Variants in FGF13 observed in about 807,000 individuals in gnomAD.
FGF13 encodes the protein fibroblast growth factor homologous factor 2.
Under a neutral mutation model 19.5 loss-of-function variants are expected in FGF13, and 2 were observed. That is an observed-to-expected ratio of 0.10 (90% CI 0.04 to 0.32). The LOEUF is 0.32. Among genes scored for constraint, FGF13 ranks in the 10% least tolerant of loss-of-function variants. The pLI is 1.00. For synonymous variants in FGF13, 72 were observed against 76.9 expected, an observed-to-expected ratio of 0.94 and a Z score of 0.33; for missense variants, 113 against 192.7, an observed-to-expected ratio of 0.59 and a Z score of 2.45.
At chrX:138,739,499 C>T, upstream of FGF13, 1 of 317,612 alleles carries the variant, frequency 3.1e-6, no homozygotes, top group East Asian at 4.9e-5. Context: ...CAGTATTGTT[C>T]TGGCAGTAAT....
intron 1 of FGF13, among the ~76,000 whole-genome samples, chrX:139,124,254 T>A (rs2083699072): frequency 1.8e-5 from 2 of 112,509 alleles, no homozygotes; most frequent in African/African-American, 6.5e-5. Context: ...TGTTCAGCCA[T>A]CCACATAACC....
chrX:139,024,293 T>G (rs769116633), intron 1 of FGF13, among the ~76,000 whole-genome samples: 34 of 111,500 alleles, frequency 3.0e-4, no homozygotes, highest in Non-Finnish European at 5.1e-4. Flanking sequence ...TAAGAAAAAC[T>G]GACATAAAGT....
intron 1 of FGF13, among the ~76,000 whole-genome samples, chrX:139,051,002 T>C (rs2092302021): frequency 8.9e-6 from 1 of 112,009 alleles, no homozygotes; most frequent in South Asian, 3.7e-4. Flanking sequence ...AACTGGGGAA[T>C]GGCATATATA....
chrX:138,955,220 G>C (rs1392088290), intron 1 of FGF13, among the ~76,000 whole-genome samples: 1 of 112,982 alleles, frequency 8.9e-6, no homozygotes, highest in Non-Finnish European at 1.9e-5. Context: ...TTGCCTAGTG[G>C]GGAAAATTAG....
chrX:139,032,719 A>C (rs970537954), intron 1 of FGF13, among the ~76,000 whole-genome samples: 4 of 110,294 alleles, frequency 3.6e-5, no homozygotes, highest in Non-Finnish European at 7.6e-5. Flanking sequence ...GCAAGGAAAA[A>C]CCAATGTATG....
chrX:138,831,711 T>C (rs1383289495), intron 3 of FGF13, among the ~76,000 whole-genome samples: 2 of 110,519 alleles, frequency 1.8e-5, no homozygotes, highest in African/African-American at 3.3e-5. Context: ...AAGGGAACAA[T>C]TGTAGGTTTT....
rs2089044623 is a variant in FGF13 at position 138,624,965 on chromosome X, G to A, written c.*7885C>T. On this transcript the variant is annotated 3_prime_UTR_variant, in exon 5 of 5. Coordinates refer to ENST00000315930, the MANE Select transcript of FGF13 (RefSeq NM_004114.5). ...GGGGTTAATATCCAAAATATATAAG[G>A]AACTCATACAAGTCAATAGCAAAAA... The A allele has an allele frequency of 1.8e-5, 2 of 111,381 alleles. No homozygotes were observed. The highest frequency in any genetic ancestry group is 6.5e-5 in the African/African-American group (2 of 30,639). The allele number at this position is 111,381 out of a possible 1,213,427, so 9.2% of individuals were successfully genotyped here. A position where few individuals can be genotyped will look rare whatever the true frequency, so the allele number is the denominator to read the frequency against.
At chrX:139,093,337 G>A (rs145867891) in intron 1 of FGF13, among the ~76,000 whole-genome samples, 2 of 111,898 alleles carry the variant, frequency 1.8e-5, no homozygotes, top group African/African-American at 6.5e-5. Context: ...TTACTACCCT[G>A]CCTGTGCATG....
chrX:138,750,124 A>G (rs2090386982), intron 3 of FGF13, among the ~76,000 whole-genome samples: 3 of 111,809 alleles, frequency 2.7e-5, no homozygotes, highest in South Asian at 7.5e-4. Context: ...ATGGACTGCA[A>G]TGGGGAGGGG....
chrX:139,004,196 A>C (rs933655345), intron 1 of FGF13, among the ~76,000 whole-genome samples: 1 of 112,885 alleles, frequency 8.9e-6, no homozygotes, highest in Non-Finnish European at 1.9e-5. Context: ...AGGCTCGGTG[A>C]GAAATCGAGC....
At chrX:138,749,270 A>G (rs1406356046) in intron 3 of FGF13, among the ~76,000 whole-genome samples, 1 of 108,607 alleles carries the variant, frequency 9.2e-6, no homozygotes, top group East Asian at 2.9e-4. Flanking sequence ...GAGAAATCAT[A>G]CAAAGCCTCT....
intron 1 of FGF13, among the ~76,000 whole-genome samples, chrX:139,165,206 G>A (rs1361234090): frequency 6.2e-5 from 7 of 112,225 alleles, no homozygotes; most frequent in African/African-American, 2.3e-4. Context: ...AGGATTTTAT[G>A]GAATGCAGAA....
At chrX:138,953,799 T>A (rs926882528) in intron 1 of FGF13, among the ~76,000 whole-genome samples, 4 of 110,270 alleles carry the variant, frequency 3.6e-5, no homozygotes, top group Non-Finnish European at 5.7e-5. Context: ...ACCATCTGAA[T>A]GAAAAACAGC....
chrX:138,796,008 A>C (rs1178967258), intron 3 of FGF13, among the ~76,000 whole-genome samples: 1 of 111,531 alleles, frequency 9.0e-6, no homozygotes, highest in African/African-American at 3.3e-5. Context: ...ACTTTGTTTC[A>C]GATGACACAT....
At chrX:138,946,276 C>T (rs1291451712) in intron 1 of FGF13, among the ~76,000 whole-genome samples, 1 of 111,812 alleles carries the variant, frequency 8.9e-6, no homozygotes, top group Non-Finnish European at 1.9e-5. Context: ...GAAAGCACTG[C>T]GCATTGAATT....
chrX:138,916,012 T>C (rs1047302638), intron 1 of FGF13, among the ~76,000 whole-genome samples: 3 of 112,045 alleles, frequency 2.7e-5, no homozygotes, highest in Non-Finnish European at 5.6e-5. Flanking sequence ...CATTAGAAGC[T>C]GCAAGATATG....
intron 3 of FGF13, among the ~76,000 whole-genome samples, chrX:138,802,032 C>A (rs1173830059): frequency 8.9e-6 from 1 of 112,432 alleles, no homozygotes; most frequent in South Asian, 3.7e-4. Context: ...GGGAGTGGCA[C>A]CCACTGAGTG....
At chrX:139,113,020 T>C (rs1235302599) in intron 1 of FGF13, among the ~76,000 whole-genome samples, 1 of 91,060 alleles carries the variant, frequency 1.1e-5, no homozygotes, top group Non-Finnish European at 2.3e-5. Flanking sequence ...GTGTGTGTGT[T>C]TTCATTTAGA....
intron 3 of FGF13, among the ~76,000 whole-genome samples, chrX:138,831,833 C>T (rs901408308): frequency 1.8e-5 from 2 of 111,194 alleles, no homozygotes. Context: ...CTCCTCCTAC[C>T]CTCCACCTTC....
Sources: allele counts gnomAD v4.1 joint callset (sites outside exome capture counted in the v4.1 genomes callset), GRCh38; gene constraint gnomAD v4.1.1; transcripts MANE v1.5; gene names NCBI Gene and HGNC (gene_info 2026-07-23, HGNC 2026-07-21).